Variants in SLC25A36 observed in about 807,000 individuals in gnomAD.
The protein encoded by SLC25A36 is epididymis secretory sperm binding protein.
SLC25A36 carries 24 observed loss-of-function variants against 35.3 expected under a neutral mutation model. The observed-to-expected ratio is 0.68, with a 90% CI of 0.49 to 0.96. SLC25A36 has a LOEUF of 0.96. Among genes scored for constraint, SLC25A36 ranks in the 40% least tolerant of loss-of-function variants. SLC25A36 has a pLI of 0.00. For synonymous variants in SLC25A36, 141 were observed against 132.2 expected (o/e 1.07, Z -0.46); for missense variants, 294 against 381.1 (o/e 0.77, Z 1.90).
At chr3:140,960,151 T>C (rs1934590650) in intron 3 of SLC25A36, among the ~76,000 whole-genome samples, 1 of 152,166 alleles carries the variant, frequency 6.6e-6, no homozygotes, top group African/African-American at 2.4e-5. Flanking sequence ...TCTGGGGAGA[T>C]GCTTATCCTC....
intron 1 of SLC25A36, among the ~76,000 whole-genome samples, chr3:140,947,577 A>G (rs1246349402): frequency 6.6e-6 from 1 of 152,120 alleles, no homozygotes; most frequent in Non-Finnish European, 1.5e-5. Context: ...AGACTCTACA[A>G]CTGCATCTTG....
chr3:140,968,490 T>G, intron 4 of SLC25A36: 1 of 983,188 alleles, frequency 1.0e-6, no homozygotes, highest in Non-Finnish European at 1.2e-6. Context: ...GTTACATAGG[T>G]TAATTTGTGC....
At chr3:140,972,936 T>C (rs1258569132) in intron 5 of SLC25A36, 4 of 152,270 alleles carry the variant, frequency 2.6e-5, no homozygotes, top group African/African-American at 9.6e-5. Context: ...ACCTGTCTCT[T>C]ATAGATAAGG....
chr3:140,952,446 A>G (rs963181250), intron 1 of SLC25A36, among the ~76,000 whole-genome samples: 6 of 152,184 alleles, frequency 3.9e-5, no homozygotes, highest in African/African-American at 9.6e-5. Flanking sequence ...ATGCCTGGCC[A>G]GTTTAGATTC....
chr3:140,957,757 A>G (rs1037764572), intron 2 of SLC25A36, among the ~76,000 whole-genome samples: 1 of 152,196 alleles, frequency 6.6e-6, no homozygotes, highest in Non-Finnish European at 1.5e-5. Context: ...AAAATGCTAT[A>G]GTTATACATA....
intron 5 of SLC25A36, 105 bp from the exon 6 acceptor site, chr3:140,973,611 C>A: frequency 3.7e-6 from 3 of 820,016 alleles, no homozygotes; most frequent in Non-Finnish European, 5.0e-6. Flanking sequence ...TCTAATTCTT[C>A]ATGAGTTAAA....
chr3:140,966,685 T>A, intron 4 of SLC25A36: 1 of 341,864 alleles, frequency 2.9e-6, no homozygotes, highest in East Asian at 7.5e-5. Flanking sequence ...AAGGCAGAAT[T>A]GATCTTCTTT....
At chr3:140,948,725 C>A (rs1934235716) in intron 1 of SLC25A36, among the ~76,000 whole-genome samples, 1 of 152,190 alleles carries the variant, frequency 6.6e-6, no homozygotes, top group Admixed American at 6.5e-5. Context: ...CTGATCCATA[C>A]ACGCTCAAGA....
At chr3:140,942,143 C>A (rs774404832) in intron 1 of SLC25A36, 48 bp downstream of exon 1, 74 of 613,868 alleles carry the variant, frequency 1.2e-4, no homozygotes, top group Non-Finnish European at 1.1e-4. Context: ...GTGCTGGGGC[C>A]GAAGACGCAG....
intron 1 of SLC25A36, among the ~76,000 whole-genome samples, chr3:140,945,923 C>A (rs75198085): frequency 0.018 from 2,703 of 152,232 alleles, 98 homozygotes; most frequent in African/African-American, 0.061. Flanking sequence ...GCAGGCTACA[C>A]TAGCTTCTTT....
At position 140,956,698 on chromosome 3, in the gene SLC25A36, G is replaced by T. The variant is rs1333717741; in HGVS notation, c.206+7G>T. The T allele has an allele frequency of 1.2e-6, 2 of 1,601,056 alleles. No individual in the cohort carries two copies. Among genetic ancestry groups the T allele is most frequent in the Non-Finnish European group, 1.7e-6 (2 of 1,173,766 alleles). On this transcript the variant is annotated splice_region_variant and intron_variant, in intron 2 of 6. Coordinates refer to ENST00000324194, the MANE Select transcript of SLC25A36 (RefSeq NM_001104647.3). ...GACCTCTTCATTGCCTAAAGTGAGAGCATAGTATTCAGGAGTGTTTTTTAG... is the reference window on the plus strand; with the variant it reads ...GACCTCTTCATTGCCTAAAGTGAGATCATAGTATTCAGGAGTGTTTTTTAG...
chr3:140,964,126 TTAA>T (rs1934701760), intron 4 of SLC25A36: 1 of 152,022 alleles, frequency 6.6e-6, no homozygotes, highest in Non-Finnish European at 1.5e-5. Context: ...AATTATGTGC[TTAA>T]TAATGAGTGC....
chr3:140,977,000 T>C lies in SLC25A36; in HGVS notation c.*547T>C, dbSNP rs1935065167. 1 of 152,242 alleles carries C rather than the reference T, an allele frequency of 6.6e-6. No homozygotes were observed. Among genetic ancestry groups the C allele is most frequent in the Non-Finnish European group, 1.5e-5 (1 of 68,052 alleles). The allele number at this position is 152,242 out of a possible 1,614,324, so 9.4% of individuals were successfully genotyped here. ...CCAATGAAATAGCGTCTAAATATCT[T>C]GTATATTTTTTAGCATCAAAATGTT... On this transcript the variant is annotated 3_prime_UTR_variant, in exon 7 of 7. Transcript: ENST00000324194.
At chr3:140,971,669 A>G (rs1300232463) in intron 5 of SLC25A36, among the ~76,000 whole-genome samples, 2 of 152,158 alleles carry the variant, frequency 1.3e-5, no homozygotes, top group Non-Finnish European at 2.9e-5. Flanking sequence ...CTGGGAACTG[A>G]GAGTAGGCCA....
At chr3:140,958,434 A>T (rs963321546) in intron 2 of SLC25A36, among the ~76,000 whole-genome samples, 37 of 152,182 alleles carry the variant, frequency 2.4e-4, no homozygotes, top group Admixed American at 2.0e-4. Flanking sequence ...TTGTTTTGTT[A>T]CAATTCTTTT....
In SLC25A36 at chr3:140,941,982, C is replaced by A; in HGVS notation, c.-73C>A. ...GCGCTGTGCGTCTCCAGTCCGGGAC[C>A]GAAGCCGCCTGCCGTAGCGGGCGGC... is the stretch of plus-strand genomic sequence containing the variant. On this transcript the variant is annotated 5_prime_UTR_variant, in exon 1 of 7. Transcript: ENST00000324194. 1 of 834,678 alleles carries A rather than the reference C, an allele frequency of 1.2e-6. No homozygotes were observed. Among genetic ancestry groups the A allele is most frequent in the Non-Finnish European group, 1.9e-6 (1 of 513,968 alleles). 51.7% of individuals were successfully genotyped at this position (834,678 alleles called of 1,614,324 possible). A position where few individuals can be genotyped will look rare whatever the true frequency, so the allele number is the denominator to read the frequency against.
intron 1 of SLC25A36, among the ~76,000 whole-genome samples, chr3:140,947,405 T>C (rs1934196243): frequency 6.6e-6 from 1 of 152,236 alleles, no homozygotes; most frequent in Admixed American, 6.5e-5. Flanking sequence ...CGTATCTTAC[T>C]ATTTTTCCTT....
In SLC25A36 at chr3:140,959,557, ATTGTT is replaced by A; in HGVS notation, c.284+19_284+23del. 7.8e-6 allele frequency: 10 copies of A among 1,274,422 alleles called. No homozygotes were observed. Among genetic ancestry groups the A allele is most frequent in the Non-Finnish European group, 1.0e-5 (10 of 957,354 alleles). The allele number at this position is 1,274,422 out of a possible 1,614,324, so 78.9% of individuals were successfully genotyped here. A position where few individuals can be genotyped will look rare whatever the true frequency, so the allele number is the denominator to read the frequency against. On this transcript the variant is annotated intron_variant, in intron 3 of 6. Transcript: ENST00000324194. ...CCCTTCCAGGTAAAAAAAAAAAAAA[ATTGTT>A]TAAAGCAAGTTATGGCAATCTCTTT...
intron 1 of SLC25A36, among the ~76,000 whole-genome samples, chr3:140,948,471 C>T (rs1934228585): frequency 6.6e-6 from 1 of 152,088 alleles, no homozygotes; most frequent in East Asian, 1.9e-4. Flanking sequence ...CGTGAGCCAC[C>T]GTGCCCGGCC....
Sources: gnomAD v4.1 joint callset for allele counts (sites outside exome capture counted in the v4.1 genomes callset) on GRCh38, gnomAD v4.1.1 for gene constraint, MANE v1.5 for transcripts, NCBI Gene and HGNC (gene_info 2026-07-23, HGNC 2026-07-21) for gene names.